Variants in ZGRF1 observed in about 807,000 individuals in gnomAD.
ZGRF1 encodes zinc finger GRF-type containing 1.
A neutral mutation model predicts 203.5 loss-of-function variants in ZGRF1; 196 were observed. That is an observed-to-expected ratio of 0.96 (90% CI 0.86 to 1.08). The LOEUF (loss-of-function observed/expected upper bound fraction) is 1.08, where lower values mean the gene tolerates loss of function less well. Ranked by LOEUF, ZGRF1 falls within the 50% of genes least tolerant of loss-of-function variation. The pLI is 0.00. For missense variants in ZGRF1, 2,326 were observed against 2,416.3 expected, an observed-to-expected ratio of 0.96 and a Z score of 0.78; for synonymous variants, 809 against 841.3, an observed-to-expected ratio of 0.96 and a Z score of 0.66.
intron 1 of ZGRF1, among the ~76,000 whole-genome samples, chr4:112,636,059 A>C (rs138619826): frequency 6.6e-6 from 1 of 152,342 alleles, no homozygotes; most frequent in African/African-American, 2.4e-5. Flanking sequence ...TCTTAGTATT[A>C]ATCAGAAAAA....
Position 112,581,707 on chromosome 4 carries a change from T to A in ZGRF1, c.4394A>T (p.Tyr1465Phe). Residue 1465 changes from tyrosine to phenylalanine, a missense_variant, in exon 16 of 28, where the codon TAT (tyrosine) becomes TTT (phenylalanine). Tyr to Phe is a conservative substitution (Grantham distance 22). Coordinates refer to ENST00000505019, the MANE Select transcript of ZGRF1 (RefSeq NM_018392.5). ...TCTTTCCTTCCGACTTAGCTTAAGA[T>A]AAAGTTTGGTTTTTGGTTCATTATA... is the stretch of plus-strand genomic sequence containing the variant. ...EFYNEPKTKL[Y>F]LKLSRKERSS... 1 of 1,583,962 alleles carries A rather than the reference T, an allele frequency of 6.3e-7. No individual in the cohort carries two copies. The highest frequency in any genetic ancestry group is 1.7e-4 in the Middle Eastern group (1 of 5,876).
chr4:112,562,371 G>T lies in ZGRF1; in HGVS notation c.4697C>A (p.Thr1566Lys). 6.4e-7 allele frequency: 1 copy of T among 1,554,250 alleles called. No individual in the cohort carries two copies. The highest frequency in any genetic ancestry group is 8.8e-7 in the Non-Finnish European group (1 of 1,130,484). ...TLPLTQYLLT[T>K]SSPTIVSNKR... Reference sequence around the variant, plus strand: ...GACTCAAAGGTAAAAAATGACTTACGTTGTTAACAGGTACTGTGTTAGAGG... The same window carrying T: ...GACTCAAAGGTAAAAAATGACTTACTTTGTTAACAGGTACTGTGTTAGAGG... The change falls in exon 18 of 28, where the codon ACG becomes AAG. Residue 1566 changes from threonine (T) to lysine (K), a missense_variant and splice_region_variant. By Grantham distance (78) the Thr-to-Lys change is moderately conservative (BLOSUM62 -1). Transcript: ENST00000505019.
intron 9 of ZGRF1, among the ~76,000 whole-genome samples, chr4:112,603,995 G>A (rs1212736844): frequency 6.6e-6 from 1 of 152,080 alleles, no homozygotes; most frequent in Non-Finnish European, 1.5e-5. Flanking sequence ...GGCCAAGGTG[G>A]GTGGATCACT....
In ZGRF1 at chr4:112,562,444, G is replaced by A. The variant is rs1578729388; in HGVS notation, c.4624C>T (p.Leu1542=). The part of the protein sequence containing the change: ...ALLVCNASTE[L]TTLKNIQDYF... Reference sequence around the variant, plus strand: ...TCCTGAATGTTTTTCAAAGTAGTCAGTTCTGTGCTAGCATTACAAACCAAT... The same window carrying A: ...TCCTGAATGTTTTTCAAAGTAGTCAATTCTGTGCTAGCATTACAAACCAAT... The change falls in exon 18 of 28, where the codon CTG becomes TTG. Residue 1542 remains leucine, a synonymous_variant. Coordinates refer to ENST00000505019, the MANE Select transcript of ZGRF1 (RefSeq NM_018392.5). 1 of 1,609,844 alleles carries A rather than the reference G, an allele frequency of 6.2e-7. No homozygotes were observed. The highest frequency in any genetic ancestry group is 8.5e-7 in the Non-Finnish European group (1 of 1,177,654).
intron 13 of ZGRF1, 134 bp from the exon 14 acceptor site, chr4:112,585,859 G>A (rs1397527551): frequency 4.9e-6 from 2 of 412,118 alleles, no homozygotes; most frequent in Non-Finnish European, 7.9e-6. Flanking sequence ...GTTTTTAAAA[G>A]TTATTTTCTG....
chr4:112,573,844 A>G (rs1172789621), intron 16 of ZGRF1, among the ~76,000 whole-genome samples: 1 of 152,220 alleles, frequency 6.6e-6, no homozygotes, highest in Non-Finnish European at 1.5e-5. Flanking sequence ...TTCTATAAAT[A>G]AAAGAAGGTT....
chr4:112,622,418 G>C (rs2047090253), intron 4 of ZGRF1, among the ~76,000 whole-genome samples: 1 of 151,572 alleles, frequency 6.6e-6, no homozygotes, highest in Admixed American at 6.6e-5. Flanking sequence ...TACTTGGGAG[G>C]CTGAGGAAGG....
Position 112,553,855 on chromosome 4 carries a change from T to G in ZGRF1, c.5326A>C (p.Asn1776His). ...CTTACCTGCTTCAGCAGGGTTCTAT[T>G]GGTCCCCAGTTTATGCTGCTCAATG... Reference protein sequence around the residue: ...KSIEQHKLGTNRTLLKQVRVV... With the variant: ...KSIEQHKLGTHRTLLKQVRVV... The change falls in exon 22 of 28, where the codon AAT (asparagine) becomes CAT (histidine). Residue 1776 changes from asparagine (N) to histidine (H), a missense_variant. Coordinates refer to ENST00000505019, the MANE Select transcript of ZGRF1 (RefSeq NM_018392.5). 1 of 1,611,600 alleles carries G rather than the reference T, an allele frequency of 6.2e-7. No individual in the cohort carries two copies. Among genetic ancestry groups the G allele is most frequent in the Non-Finnish European group, 8.5e-7 (1 of 1,179,362 alleles).
At position 112,577,185 on chromosome 4, in the gene ZGRF1, A is replaced by C. The variant is rs535050689; in HGVS notation, c.4438+4478T>G. On this transcript the variant is annotated intron_variant, in intron 16 of 27. Transcript: ENST00000505019. ...TTCATATCCAGTCAAACTAAGCTTC[A>C]TAAGTGAAGGAGAAATAAAATCCTT... Among the ~76,000 whole-genome samples, 4 of 122,426 alleles carry C rather than the reference A, an allele frequency of 3.3e-5. 2 individuals are homozygous for C. The highest frequency in any genetic ancestry group is 7.3e-5 in the Non-Finnish European group (4 of 54,992). 80.3% of individuals were successfully genotyped at this position (122,426 alleles called of 152,430 possible).
Position 112,617,483 on chromosome 4 carries a change from C to T in ZGRF1, c.2559G>A (p.Gln853=), listed in dbSNP as rs1578461590. ...EILKKKNTVF[Q]QGTQQTYEPD... Reference sequence around the variant, plus strand: ...GCTCATACGTCTGTTGAGTTCCTTGCTGAAAGACAGTATTTTTCTTTTTCA... The same window carrying T: ...GCTCATACGTCTGTTGAGTTCCTTGTTGAAAGACAGTATTTTTCTTTTTCA... Residue 853 remains glutamine (Q), a synonymous_variant, in exon 6 of 28, where the codon CAG becomes CAA. Transcript: ENST00000505019. The T allele has an allele frequency of 6.3e-7, 1 of 1,590,660 alleles. No homozygotes were observed. The highest frequency in any genetic ancestry group is 8.5e-7 in the Non-Finnish European group (1 of 1,171,802).
chr4:112,540,940 T>TATAA lies in ZGRF1; in HGVS notation c.5790_5791insTTAT (p.Ser1931LeufsTer2). The TATAA allele has an allele frequency of 1.9e-6, 3 of 1,571,274 alleles. No homozygotes were observed. Among genetic ancestry groups the TATAA allele is most frequent in the Non-Finnish European group, 2.6e-6 (3 of 1,156,308 alleles). ...GTAGCTTCTGCCACATTATGAAAGC[T>TATAA]GTTATCTCTTTCTATCTGGAGTAAG... On this transcript the variant is annotated frameshift_variant, in exon 26 of 28. Coordinates refer to ENST00000505019, the MANE Select transcript of ZGRF1 (RefSeq NM_018392.5). LOFTEE classifies it high-confidence loss of function.
At chr4:112,554,589 C>G in intron 21 of ZGRF1, 116 bp downstream of exon 21, 2 of 604,660 alleles carry the variant, frequency 3.3e-6, no homozygotes, top group Non-Finnish European at 5.9e-6. Context: ...CTAAGTTAAC[C>G]AAGTAAAGAT....
At chr4:112,565,135 C>T (rs963941269) in intron 16 of ZGRF1, 4 of 1,422,342 alleles carry the variant, frequency 2.8e-6, no homozygotes, top group African/African-American at 1.4e-5. Flanking sequence ...TGTGGCGCTC[C>T]GTGAAATTAG....
At chr4:112,586,759 C>T (rs1010417974) in intron 12 of ZGRF1, among the ~76,000 whole-genome samples, 176 bp from the exon 13 acceptor site, 50 of 152,068 alleles carry the variant, frequency 3.3e-4, no homozygotes, top group Non-Finnish European at 8.8e-5. Flanking sequence ...AGAATAGCTA[C>T]GAATGGCAAT....
In ZGRF1 at chr4:112,618,972, T is replaced by C. The variant is rs776788915; in HGVS notation, c.1070A>G (p.Asp357Gly). The C allele has an allele frequency of 1.2e-5, 20 of 1,613,678 alleles. No individual in the cohort carries two copies. The East Asian group carries it at 2.0e-4, about 16-fold the overall frequency. ...DTERKPKAQE[D>G]DVNSNLKDLS... ...GTCTTTCAAATTAGAATTTACATCATCTTCCTGGGCCTTGGGTTTCCTTTC... is the reference window on the plus strand; with the variant it reads ...GTCTTTCAAATTAGAATTTACATCACCTTCCTGGGCCTTGGGTTTCCTTTC... Residue 357 changes from aspartate to glycine, a missense_variant, in exon 6 of 28, where the codon GAT becomes GGT. Asp to Gly is a moderately conservative substitution (Grantham distance 94, BLOSUM62 -1). Transcript: ENST00000505019.
chr4:112,633,050 G>GT (rs1023457352), intron 2 of ZGRF1, 106 bp downstream of exon 2: 1 of 1,024,934 alleles, frequency 9.8e-7, no homozygotes, highest in African/African-American at 1.6e-5. Flanking sequence ...TTTTTGTTTT[G>GT]TTTTTGCTAA....
At chr4:112,605,955 C>A in intron 9 of ZGRF1, 53 bp downstream of exon 9, 1 of 1,183,186 alleles carries the variant, frequency 8.5e-7, no homozygotes, top group East Asian at 2.3e-5. Flanking sequence ...TTGTTTTAAA[C>A]AGAAAAGAAA....
intron 9 of ZGRF1, 110 bp downstream of exon 9, chr4:112,605,898 A>G: frequency 1.4e-6 from 1 of 728,746 alleles, no homozygotes; most frequent in Non-Finnish European, 2.4e-6. Context: ...TTATTATGCT[A>G]CTAACCTTCT....
rs2046981738 is a variant in ZGRF1 at position 112,619,103 on chromosome 4, G to A, written c.939C>T (p.Tyr313=). ...TCATGGTATTTTCTGATTGATGCTGGTAGTATAAATTTTCTGTGCTCTTCA... is the reference window on the plus strand; with the variant it reads ...TCATGGTATTTTCTGATTGATGCTGATAGTATAAATTTTCTGTGCTCTTCA... ...AEMKSTENLY[Y]QHQSENTMRN... Residue 313 remains tyrosine (Y), a synonymous_variant, in exon 6 of 28, where the codon TAC becomes TAT. Coordinates refer to ENST00000505019, the MANE Select transcript of ZGRF1 (RefSeq NM_018392.5). 1.2e-6 allele frequency: 2 copies of A among 1,613,690 alleles called. No homozygotes were observed. Among genetic ancestry groups the A allele is most frequent in the Admixed American group, 3.3e-5 (2 of 60,000 alleles).
Sources: gnomAD v4.1 joint callset for allele counts (sites outside exome capture counted in the v4.1 genomes callset) on GRCh38, gnomAD v4.1.1 for gene constraint, MANE v1.5 for transcripts, NCBI Gene and HGNC (gene_info 2026-07-23, HGNC 2026-07-21) for gene names.